The following CDKAL1 variants were observed in gnomAD, a reference collection of about 807,000 sequenced individuals.
The protein encoded by CDKAL1 is threonylcarbamoyladenosine tRNA methylthiotransferase.
Under a neutral mutation model 68.2 loss-of-function variants are expected in CDKAL1, and 32 were observed. The observed-to-expected ratio is 0.47, with a 90% CI of 0.35 to 0.63. The LOEUF is 0.63. Ranked by LOEUF, CDKAL1 falls within the 30% of genes least tolerant of loss-of-function variation. The pLI is 0.00. For synonymous variants in CDKAL1, 234 were observed against 244.3 expected (o/e 0.96, Z 0.39); for missense variants, 606 against 696.7 (o/e 0.87, Z 1.47).
intron 4 of CDKAL1, among the ~76,000 whole-genome samples, chr6:20,552,154 T>C (rs1763860415): frequency 6.6e-6 from 1 of 151,688 alleles, no homozygotes; most frequent in Non-Finnish European, 1.5e-5. Context: ...TTGAGACCAG[T>C]GTTGGCAACA....
chr6:21,099,627 G>A (rs868177141), intron 12 of CDKAL1, among the ~76,000 whole-genome samples: 1 of 152,146 alleles, frequency 6.6e-6, no homozygotes, highest in Non-Finnish European at 1.5e-5. Context: ...CAGTTAGAAG[G>A]GCAGAGTGAA....
intron 8 of CDKAL1, among the ~76,000 whole-genome samples, chr6:20,788,809 C>G (rs1021694554): frequency 6.6e-6 from 1 of 152,118 alleles, no homozygotes; most frequent in Non-Finnish European, 1.5e-5. Context: ...GAGGTTACGA[C>G]TTTATGCTGT....
At chr6:21,208,674 AAC>A (rs1779032354) in intron 15 of CDKAL1, among the ~76,000 whole-genome samples, 1 of 152,194 alleles carries the variant, frequency 6.6e-6, no homozygotes, top group Non-Finnish European at 1.5e-5. Flanking sequence ...TCACGTCACA[AAC>A]AATTAAAACC....
rs1372148413 is a variant in CDKAL1 at position 20,564,785 on chromosome 6, G to A, written c.286+16080G>A. ...AATAAATTATTTATGTGGCTTTTAGGTCACACTGCCCAGGTTTATTCATTT... is the reference window on the plus strand; with the variant it reads ...AATAAATTATTTATGTGGCTTTTAGATCACACTGCCCAGGTTTATTCATTT... On this transcript the variant is annotated intron_variant, in intron 4 of 15. Coordinates refer to ENST00000274695, the MANE Select transcript of CDKAL1 (RefSeq NM_017774.3). Among the ~76,000 whole-genome samples the A allele has an allele frequency of 3.3e-5, 5 of 152,104 alleles. No individual in the cohort carries two copies. In the East Asian group the frequency reaches 9.6e-4, roughly 29 times the overall value.
At chr6:21,220,477 C>A (rs1779498812) in intron 15 of CDKAL1, among the ~76,000 whole-genome samples, 1 of 152,154 alleles carries the variant, frequency 6.6e-6, no homozygotes, top group African/African-American at 2.4e-5. Flanking sequence ...TGATAGCATA[C>A]CTTCTTGGCA....
intron 8 of CDKAL1, among the ~76,000 whole-genome samples, chr6:20,797,891 G>A (rs1318544220): frequency 1.3e-5 from 2 of 151,132 alleles, no homozygotes; most frequent in Non-Finnish European, 2.9e-5. Context: ...ACCACGGTTC[G>A]CTGCGTTCTC....
chr6:21,162,786 G>T (rs1380459892), intron 13 of CDKAL1, among the ~76,000 whole-genome samples: 1 of 152,082 alleles, frequency 6.6e-6, no homozygotes, highest in Non-Finnish European at 1.5e-5. Flanking sequence ...TAATTAGTTG[G>T]GTGTGGTGGC....
At chr6:21,109,584 C>G (rs1475319515) in intron 13 of CDKAL1, among the ~76,000 whole-genome samples, 5 of 152,140 alleles carry the variant, frequency 3.3e-5, no homozygotes, top group South Asian at 2.1e-4. Flanking sequence ...TTATATCATT[C>G]CAAGTTACAT....
At chr6:20,670,049 T>C (rs1769736987) in intron 5 of CDKAL1, among the ~76,000 whole-genome samples, 1 of 152,214 alleles carries the variant, frequency 6.6e-6, no homozygotes, top group Non-Finnish European at 1.5e-5. Flanking sequence ...CTCCCTTTTC[T>C]TATAAGTAAC....
In CDKAL1 at chr6:21,231,975, AT is replaced by A. The variant is rs1779990214; in HGVS notation, c.*941del. 7.5e-6 allele frequency: 1 copy of A among 133,876 alleles called. No homozygotes were observed. Among genetic ancestry groups the A allele is most frequent in the Admixed American group, 7.5e-5 (1 of 13,370 alleles). The allele number at this position is 133,876 out of a possible 1,614,324, so 8.3% of individuals were successfully genotyped here. A position where few individuals can be genotyped will look rare whatever the true frequency, so the allele number is the denominator to read the frequency against. ...AAACTAATTGTGCCCATTTTCTCACATTTTTGATCCATTGGGGTTTTTTTTT... is the reference window on the plus strand; with the variant it reads ...AAACTAATTGTGCCCATTTTCTCACATTTTGATCCATTGGGGTTTTTTTTT... On this transcript the variant is annotated 3_prime_UTR_variant, in exon 16 of 16. Coordinates refer to ENST00000274695, the MANE Select transcript of CDKAL1 (RefSeq NM_017774.3).
rs1481155729 is a variant in CDKAL1 at position 21,000,227 on chromosome 6, G to A, written c.910G>A (p.Glu304Lys). 2.5e-6 allele frequency: 4 copies of A among 1,603,992 alleles called. No homozygotes were observed. The highest frequency in any genetic ancestry group is 2.2e-5 in the East Asian group (1 of 44,758). ...TGTTTTCTCCTTCCATTTTTTTAAG[G>A]AAATGGCAAAAATCCTTAATCACCC... ...NPPYILEHLE[E>K]MAKILNHPRV... Residue 304 changes from glutamate to lysine, a missense_variant and splice_region_variant, in exon 11 of 16, where the codon GAA becomes AAA. Glu to Lys is a moderately conservative substitution (Grantham distance 56). Coordinates refer to ENST00000274695, the MANE Select transcript of CDKAL1 (RefSeq NM_017774.3).
chr6:20,621,287 T>C (rs2127733130), intron 4 of CDKAL1, among the ~76,000 whole-genome samples: 1 of 152,282 alleles, frequency 6.6e-6, no homozygotes, highest in South Asian at 2.1e-4. Flanking sequence ...GCCTGGGATA[T>C]GGGTTATTGG....
At chr6:20,712,547 AAAAAG>A (rs1403351050) in intron 5 of CDKAL1, among the ~76,000 whole-genome samples, 4 of 152,122 alleles carry the variant, frequency 2.6e-5, no homozygotes, top group Non-Finnish European at 4.4e-5. Flanking sequence ...GAAAATTTAA[AAAAAG>A]AAAAGAAAAA....
intron 9 of CDKAL1, among the ~76,000 whole-genome samples, chr6:20,935,040 C>T (rs1186511882): frequency 2.0e-5 from 3 of 151,778 alleles, no homozygotes; most frequent in Admixed American, 6.6e-5. Flanking sequence ...GGACTACAGG[C>T]ACGTGCCAAC....
chr6:20,888,668 G>A (rs1474898117), intron 9 of CDKAL1, among the ~76,000 whole-genome samples: 2 of 150,828 alleles, frequency 1.3e-5, no homozygotes, highest in South Asian at 2.1e-4. Flanking sequence ...ATGATTTCCA[G>A]TTTCATCCAT....
At chr6:21,160,270 G>T (rs1456415348) in intron 13 of CDKAL1, among the ~76,000 whole-genome samples, 5 of 151,770 alleles carry the variant, frequency 3.3e-5, no homozygotes, top group Admixed American at 6.6e-5. Context: ...TGTTGTTTTC[G>T]AATGGGAAAT....
intron 7 of CDKAL1, among the ~76,000 whole-genome samples, chr6:20,761,109 A>T (rs1774441816): frequency 6.6e-6 from 1 of 152,252 alleles, no homozygotes; most frequent in African/African-American, 2.4e-5. Context: ...ACCTGAACAG[A>T]CAATTTACTA....
intron 15 of CDKAL1, among the ~76,000 whole-genome samples, chr6:21,207,796 C>T (rs578128100): frequency 1.4e-4 from 21 of 152,274 alleles, no homozygotes; most frequent in African/African-American, 4.8e-4. Context: ...CATGCCAAGG[C>T]ATTATTTTAC....
chr6:20,907,897 G>T (rs1466797058), intron 9 of CDKAL1, among the ~76,000 whole-genome samples: 2 of 152,150 alleles, frequency 1.3e-5, no homozygotes, highest in Non-Finnish European at 2.9e-5. Flanking sequence ...GGTCAATAGG[G>T]TCCACTGGGG....
Sources: allele counts gnomAD v4.1 joint callset (sites outside exome capture counted in the v4.1 genomes callset), GRCh38; gene constraint gnomAD v4.1.1; transcripts MANE v1.5; gene names NCBI Gene and HGNC (gene_info 2026-07-23, HGNC 2026-07-21).